Variants in B4GALT5 observed in about 807,000 individuals in gnomAD.
B4GALT5 encodes beta-1,4-galactosyltransferase 5, also known as UDP-Gal:beta-GlcNAc beta-1,4-galactosyltransferase 5.
In B4GALT5, 11 loss-of-function variants were observed where a neutral mutation model predicts 45.0. The ratio of observed to expected loss-of-function variants is 0.24; its 90% confidence interval spans 0.15 to 0.40. B4GALT5 has a LOEUF of 0.40. Ranked by LOEUF, B4GALT5 falls within the 10% of genes least tolerant of loss-of-function variation. B4GALT5 has a pLI of 1.00. For synonymous variants in B4GALT5, 185 were observed against 182.9 expected (o/e 1.01, Z -0.09); for missense variants, 337 against 500.2 (o/e 0.67, Z 3.11).
At chr20:49,672,827 A>G (rs1365631942) in intron 1 of B4GALT5, among the ~76,000 whole-genome samples, 4 of 152,146 alleles carry the variant, frequency 2.6e-5, no homozygotes, top group African/African-American at 9.7e-5. Context: ...ACAAACCAGA[A>G]AAAAAACAAA....
chr20:49,661,464 A>G (rs1175947030), intron 1 of B4GALT5, among the ~76,000 whole-genome samples: 1 of 152,172 alleles, frequency 6.6e-6, no homozygotes, highest in Non-Finnish European at 1.5e-5. Flanking sequence ...TGAACTCCTG[A>G]CCTCAGGTGA....
chr20:49,655,032 G>A (rs898168847), intron 2 of B4GALT5, among the ~76,000 whole-genome samples: 9 of 152,222 alleles, frequency 5.9e-5, no homozygotes, highest in Admixed American at 3.9e-4. Flanking sequence ...TTGGGAGGAC[G>A]AGGCAGGAGA....
In B4GALT5 at chr20:49,674,925, A is replaced by T. The variant is rs552081671; in HGVS notation, c.116-18223T>A. On this transcript the variant is annotated intron_variant, in intron 1 of 8. Transcript: ENST00000371711. ...GTTCTTGCCACTCCCAACTCTACCCACAATGGACAGTTCTCTGGAACCTGC... is the reference window on the plus strand; with the variant it reads ...GTTCTTGCCACTCCCAACTCTACCCTCAATGGACAGTTCTCTGGAACCTGC... Among the ~76,000 whole-genome samples the T allele has an allele frequency of 5.3e-5, 8 of 152,252 alleles. No individual in the cohort carries two copies. In the South Asian group the frequency reaches 1.4e-3, roughly 28 times the overall value.
intron 1 of B4GALT5, among the ~76,000 whole-genome samples, chr20:49,679,463 T>C (rs1600546442): frequency 1.3e-5 from 2 of 151,530 alleles, no homozygotes; most frequent in Non-Finnish European, 2.9e-5. Flanking sequence ...GGTCAGAAGT[T>C]CGAGACCAGC....
intron 1 of B4GALT5, among the ~76,000 whole-genome samples, chr20:49,692,953 G>T (rs760918353): frequency 6.6e-6 from 1 of 152,100 alleles, no homozygotes; most frequent in Non-Finnish European, 1.5e-5. Context: ...TTATAATACT[G>T]TATTTTTACT....
chr20:49,702,368 A>G (rs2085865586), intron 1 of B4GALT5, among the ~76,000 whole-genome samples: 1 of 152,214 alleles, frequency 6.6e-6, no homozygotes. Flanking sequence ...GTAGGGAGCA[A>G]AAGGTAAGTG....
intron 1 of B4GALT5, 64 bp downstream of exon 1, chr20:49,713,511 CG>C (rs1238831086): frequency 1.5e-5 from 22 of 1,492,928 alleles, no homozygotes; most frequent in Non-Finnish European, 1.9e-5. Context: ...TAGGGAGGGG[CG>C]GGGATTCCCC....
chr20:49,641,015 T>G (rs2085574907), intron 5 of B4GALT5, among the ~76,000 whole-genome samples: 1 of 152,136 alleles, frequency 6.6e-6, no homozygotes, highest in Non-Finnish European at 1.5e-5. Context: ...CTTGGGAGGC[T>G]GAGGTAGGAG....
intron 1 of B4GALT5, chr20:49,684,476 T>C: frequency 2.1e-6 from 1 of 482,764 alleles, no homozygotes; most frequent in Admixed American, 2.0e-5. Flanking sequence ...GACAGCAGAA[T>C]GGTGTGAACC....
chr20:49,699,398 G>C (rs1169870820), intron 1 of B4GALT5, among the ~76,000 whole-genome samples: 1 of 139,554 alleles, frequency 7.2e-6, no homozygotes. Flanking sequence ...AACCCCACTA[G>C]TCATTTGCCC....
chr20:49,657,401 A>C (rs2085647929), intron 1 of B4GALT5, among the ~76,000 whole-genome samples: 1 of 152,206 alleles, frequency 6.6e-6, no homozygotes, highest in African/African-American at 2.4e-5. Context: ...CTTCTTTGGA[A>C]AGTGATCTCC....
intron 1 of B4GALT5, among the ~76,000 whole-genome samples, chr20:49,677,167 A>G (rs1182540758): frequency 6.6e-6 from 1 of 152,172 alleles, no homozygotes; most frequent in African/African-American, 2.4e-5. Context: ...AAGGGGAACC[A>G]CCGGGAAACA....
rs2085585618 is a variant in B4GALT5 at position 49,643,524 on chromosome 20, A to G, written c.489+2T>C. The G allele has an allele frequency of 1.2e-6, 2 of 1,613,772 alleles. No homozygotes were observed. The highest frequency in any genetic ancestry group is 2.7e-5 in the African/African-American group (2 of 74,894). Reference sequence around the variant, plus strand: ...CATTTTGGCTGTGACTTCACACCCTACCTTCCACCGAGGCATGCAATCAGA... The same window carrying G: ...CATTTTGGCTGTGACTTCACACCCTGCCTTCCACCGAGGCATGCAATCAGA... On this transcript the variant is annotated splice_donor_variant, in intron 4 of 8. Transcript: ENST00000371711. LOFTEE classifies it high-confidence loss of function.
At chr20:49,701,606 A>G (rs554900402) in intron 1 of B4GALT5, among the ~76,000 whole-genome samples, 27 of 152,204 alleles carry the variant, frequency 1.8e-4, no homozygotes, top group Non-Finnish European at 3.5e-4. Flanking sequence ...GGGGAAACAG[A>G]ATATTCTGGT....
intron 1 of B4GALT5, among the ~76,000 whole-genome samples, chr20:49,683,823 G>C (rs2085774194): frequency 6.6e-6 from 1 of 151,760 alleles, no homozygotes; most frequent in Non-Finnish European, 1.5e-5. Context: ...TATTGAATGA[G>C]TTAATATTGG....
chr20:49,688,755 G>A lies in B4GALT5; in HGVS notation c.115+24821C>T, dbSNP rs1418536829. On this transcript the variant is annotated intron_variant, in intron 1 of 8. Transcript: ENST00000371711. The stretch of plus-strand genomic sequence containing the variant: ...GGAGTTCGAGACCAGCCTGACCAAC[G>A]TGGAGAAACCCCATCTCTACTAAAA... 2.6e-5 allele frequency among the ~76,000 whole-genome samples: 4 copies of A among 152,106 alleles called. 1 individual carries two copies. The highest frequency in any genetic ancestry group is 2.1e-4 in the South Asian group (1 of 4,816).
Position 49,633,607 on chromosome 20 carries a change from T to C in B4GALT5, c.*2705A>G, listed in dbSNP as rs1384899998. 1 of 152,120 alleles carries C rather than the reference T, an allele frequency of 6.6e-6. No individual in the cohort carries two copies. The highest frequency in any genetic ancestry group is 1.5e-5 in the Non-Finnish European group (1 of 68,032). 9.4% of individuals were successfully genotyped at this position (152,120 alleles called of 1,614,324 possible). A position where few individuals can be genotyped will look rare whatever the true frequency, so the allele number is the denominator to read the frequency against. ...TCAGACACAGACATGACCGCAAAGG[T>C]ATCAAAGTGACCCCACTTTAAGCAG... On this transcript the variant is annotated 3_prime_UTR_variant, in exon 9 of 9. Transcript: ENST00000371711.
intron 2 of B4GALT5, among the ~76,000 whole-genome samples, chr20:49,653,900 T>C (rs894244931): frequency 2.0e-5 from 3 of 152,178 alleles, no homozygotes; most frequent in African/African-American, 7.2e-5. Context: ...CTCACCTCTG[T>C]ACTCAGTTTT....
chr20:49,639,616 T>C (rs2085567507), intron 7 of B4GALT5, 62 bp downstream of exon 7: 4 of 1,586,946 alleles, frequency 2.5e-6, no homozygotes, highest in South Asian at 1.1e-5. Flanking sequence ...TCCTATCGGA[T>C]AGTATTGGTC....
Sources: allele counts gnomAD v4.1 joint callset (sites outside exome capture counted in the v4.1 genomes callset), GRCh38; gene constraint gnomAD v4.1.1; transcripts MANE v1.5; gene names NCBI Gene and HGNC (gene_info 2026-07-23, HGNC 2026-07-21).